The following MIGA1 variants were observed in gnomAD, a reference collection of about 807,000 sequenced individuals.
MIGA1 encodes mitoguardin 1.
A neutral mutation model predicts 82.0 loss-of-function variants in MIGA1; 58 were observed. The ratio of observed to expected loss-of-function variants is 0.71; its 90% CI spans 0.57 to 0.88. The LOEUF is 0.88. MIGA1 is among the 40% of genes least tolerant of loss of function. The probability of loss-of-function intolerance (pLI) is 0.00; values close to 1 mark genes in which losing one functional copy is unlikely to be tolerated. For synonymous variants in MIGA1, 249 were observed against 253.6 expected (o/e 0.98, Z 0.17); for missense variants, 751 against 749.1 (o/e 1.00, Z -0.03).
intron 2 of MIGA1, 47 bp downstream of exon 2, chr1:77,783,398 CAG>C: frequency 9.0e-7 from 1 of 1,105,052 alleles, no homozygotes; most frequent in Non-Finnish European, 1.3e-6. Flanking sequence ...GCTTATTGCT[CAG>C]AGCATATTTT....
chr1:77,834,827 A>G (rs1293492064), intron 7 of MIGA1, among the ~76,000 whole-genome samples: 1 of 152,244 alleles, frequency 6.6e-6, no homozygotes, highest in Non-Finnish European at 1.5e-5. Context: ...TCCATTGTTA[A>G]TAAAAGCATA....
At chr1:77,801,262 T>C in intron 2 of MIGA1, 69 bp from the exon 3 acceptor site, 1 of 1,129,472 alleles carries the variant, frequency 8.9e-7, no homozygotes, top group South Asian at 1.7e-5. Flanking sequence ...GTAAGTTTAG[T>C]TATTAGGTCC....
chr1:77,780,169 G>T (rs573939615), intron 1 of MIGA1: 2 of 988,914 alleles, frequency 2.0e-6, no homozygotes, highest in East Asian at 1.1e-4. Flanking sequence ...GGCTGCTGTG[G>T]GGTCGGGGGA....
At chr1:77,829,922 G>T (rs1298076352) in intron 7 of MIGA1, among the ~76,000 whole-genome samples, 1 of 118,560 alleles carries the variant, frequency 8.4e-6, no homozygotes, top group East Asian at 2.6e-4. Flanking sequence ...CTCTTTCTGT[G>T]TGTCTTTTCT....
At chr1:77,870,715 T>TG (rs1456709767) in intron 14 of MIGA1, among the ~76,000 whole-genome samples, 6 of 149,140 alleles carry the variant, frequency 4.0e-5, no homozygotes, top group South Asian at 2.2e-4. Context: ...CTCGGCACTT[T>TG]GGGGGGCCAA....
chr1:77,833,940 C>G (rs1222133787), intron 7 of MIGA1, among the ~76,000 whole-genome samples: 2 of 152,178 alleles, frequency 1.3e-5, no homozygotes, highest in Non-Finnish European at 2.9e-5. Flanking sequence ...AGCTGTACTT[C>G]CCAGTTAGGA....
rs1683130036 is a variant in MIGA1 at position 77,807,100 on chromosome 1, G to A, written c.636G>A (p.Met212Ile). Residue 212 changes from methionine to isoleucine, a missense_variant and splice_region_variant, in exon 5 of 16, where the codon ATG becomes ATA. By Grantham distance (10) the Met-to-Ile change is conservative. Coordinates refer to ENST00000370791, the MANE Select transcript of MIGA1 (RefSeq NM_198549.4). ...CTACTCCAGAGAACTTATACTTAAT[G>A]GGTAGGAATGAGATGATAACATTTT... 3 of 1,573,170 alleles carry A rather than the reference G, an allele frequency of 1.9e-6. No homozygotes were observed. The highest frequency in any genetic ancestry group is 2.6e-6 in the Non-Finnish European group (3 of 1,152,402).
intron 7 of MIGA1, among the ~76,000 whole-genome samples, chr1:77,834,705 A>G (rs896058524): frequency 6.6e-6 from 1 of 152,264 alleles, no homozygotes; most frequent in African/African-American, 2.4e-5. Flanking sequence ...ATGGGCAGAT[A>G]GTCATACAGA....
intron 13 of MIGA1, 71 bp from the exon 14 acceptor site, chr1:77,866,267 T>G: frequency 6.9e-7 from 1 of 1,454,464 alleles, no homozygotes; most frequent in Non-Finnish European, 9.6e-7. Flanking sequence ...CCATAAACTT[T>G]GAATTTCTAA....
At position 77,823,277 on chromosome 1, in the gene MIGA1, G is replaced by A. The variant is rs6604876; in HGVS notation, c.895+8046G>A. Among the ~76,000 whole-genome samples, 1,107 of 151,960 alleles carry A rather than the reference G, an allele frequency of 7.3e-3. 16 individuals are homozygous for A. The highest frequency in any genetic ancestry group is 0.025 in the African/African-American group (1,035 of 41,422). On this transcript the variant is annotated intron_variant, in intron 7 of 15. Transcript: ENST00000370791. ...TTATCAGTATTGTGAATTATTTGGG[G>A]TTACTTTTGGTAGATGAAGTTAATA...
chr1:77,850,870 T>C (rs1200493037), intron 8 of MIGA1, among the ~76,000 whole-genome samples: 1 of 152,198 alleles, frequency 6.6e-6, no homozygotes, highest in Non-Finnish European at 1.5e-5. Context: ...TTCTTTTTTT[T>C]TTTGTTTTGT....
chr1:77,860,316 A>G, intron 11 of MIGA1, 190 bp downstream of exon 11: 1 of 526,958 alleles, frequency 1.9e-6, no homozygotes, highest in African/African-American at 1.9e-5. Context: ...TTTCTCATAA[A>G]TTATTTCCAG....
At position 77,843,552 on chromosome 1, in the gene MIGA1, C is replaced by A. The variant is rs1684706268; in HGVS notation, c.996+145C>A. 3 of 612,120 alleles carry A rather than the reference C, an allele frequency of 4.9e-6. No individual in the cohort carries two copies. In the East Asian group the frequency reaches 8.4e-5, roughly 17 times the overall value. 37.9% of individuals were successfully genotyped at this position (612,120 alleles called of 1,614,324 possible). A position where few individuals can be genotyped will look rare whatever the true frequency, so the allele number is the denominator to read the frequency against. ...TGCCAGGATACAAAAATGAATAAAT[C>A]TAACATGAAAATAAGCTCCTACAGG... On this transcript the variant is annotated intron_variant, in intron 8 of 15. Transcript: ENST00000370791.
chr1:77,836,661 C>T (rs1054959423), intron 7 of MIGA1, among the ~76,000 whole-genome samples: 2 of 152,144 alleles, frequency 1.3e-5, no homozygotes, highest in African/African-American at 2.4e-5. Context: ...CCTCAGTTTA[C>T]GTAGGTGGTA....
intron 7 of MIGA1, among the ~76,000 whole-genome samples, chr1:77,834,897 T>C (rs1684371328): frequency 6.6e-6 from 1 of 152,222 alleles, no homozygotes; most frequent in South Asian, 2.1e-4. Flanking sequence ...GAAAAGCTGT[T>C]GACATAGAAG....
intron 14 of MIGA1, among the ~76,000 whole-genome samples, chr1:77,871,396 G>A (rs1646830193): frequency 6.6e-6 from 1 of 152,038 alleles, no homozygotes; most frequent in South Asian, 2.1e-4. Flanking sequence ...CAGCTACTCA[G>A]GAGGCTGAGG....
Position 77,878,991 on chromosome 1 carries a change from C to T in MIGA1, c.*3927C>T, listed in dbSNP as rs1310749363. ...ACATTTTCTACTTAAATTTAATTTC[C>T]AAGAGAGTGATTATTTGCATTACAA... On this transcript the variant is annotated 3_prime_UTR_variant, in exon 16 of 16. Coordinates refer to ENST00000370791, the MANE Select transcript of MIGA1 (RefSeq NM_198549.4). 3.5e-6 allele frequency: 1 copy of T among 283,608 alleles called. No individual in the cohort carries two copies. Among genetic ancestry groups the T allele is most frequent in the Non-Finnish European group, 6.5e-6 (1 of 154,052 alleles). The allele number at this position is 283,608 out of a possible 1,614,324, so 17.6% of individuals were successfully genotyped here.
intron 4 of MIGA1, among the ~76,000 whole-genome samples, chr1:77,805,635 T>C (rs1683070438): frequency 6.6e-6 from 1 of 151,592 alleles, no homozygotes; most frequent in Non-Finnish European, 1.5e-5. Flanking sequence ...GTTCCAGTGA[T>C]TCTCCTGCCT....
chr1:77,834,977 C>G (rs1372157198), intron 7 of MIGA1, among the ~76,000 whole-genome samples: 1 of 152,174 alleles, frequency 6.6e-6, no homozygotes, highest in African/African-American at 2.4e-5. Context: ...AGTGGACAGC[C>G]TGGATTTTAA....
Sources: gnomAD v4.1 joint callset for allele counts (sites outside exome capture counted in the v4.1 genomes callset) on GRCh38, gnomAD v4.1.1 for gene constraint, MANE v1.5 for transcripts, NCBI Gene and HGNC (gene_info 2026-07-23, HGNC 2026-07-21) for gene names.